The following PCDHGB5 variants were observed in gnomAD, a reference collection of about 807,000 sequenced individuals.
PCDHGB5 encodes the protein protocadherin gamma subfamily B, 5.
Under a neutral mutation model 62.9 loss-of-function variants are expected in PCDHGB5, and 48 were observed. The ratio of observed to expected loss-of-function variants is 0.76; its 90% CI spans 0.61 to 0.97. PCDHGB5 has a LOEUF of 0.97. Among genes scored for constraint, PCDHGB5 ranks in the 50% least tolerant of loss-of-function variants. The pLI, the probability that PCDHGB5 is intolerant of heterozygous loss-of-function variation, is 0.00. For missense variants in PCDHGB5, 1,118 were observed against 1,198.6 expected, an observed-to-expected ratio of 0.93 and a Z score of 0.99; for synonymous variants, 474 against 511.2, an observed-to-expected ratio of 0.93 and a Z score of 0.98.
intron 1 of PCDHGB5, among the ~76,000 whole-genome samples, chr5:141,402,117 A>G (rs1344939045): frequency 6.6e-6 from 1 of 152,172 alleles, no homozygotes; most frequent in Non-Finnish European, 1.5e-5. Context: ...AAATGTGAAA[A>G]TTTCCAACTT....
chr5:141,471,042 C>G (rs2099247416), intron 1 of PCDHGB5, among the ~76,000 whole-genome samples: 1 of 139,088 alleles, frequency 7.2e-6, no homozygotes, highest in South Asian at 2.3e-4. Flanking sequence ...CAAGCCCAAG[C>G]CCTCTTTTTT....
chr5:141,481,877 G>A (rs535267598), intron 1 of PCDHGB5, among the ~76,000 whole-genome samples: 4 of 144,402 alleles, frequency 2.8e-5, no homozygotes, highest in African/African-American at 7.8e-5. Context: ...TCGCGCCACT[G>A]CACTCCAGCC....
rs143779180 is a variant in PCDHGB5, at chr5:141,485,438, C to T, written c.2398-9369C>T. Reference sequence around the variant, plus strand: ...CAGCGGAGCCCTGCTCATCAAGAACCCAATCGACCGAGAGGCACTGTGTGG... The same window carrying T: ...CAGCGGAGCCCTGCTCATCAAGAACTCAATCGACCGAGAGGCACTGTGTGG... On this transcript the variant is annotated intron_variant, in intron 1 of 3. Transcript: ENST00000617380. This position sits in a 1 kb window ranked among gnomAD's most constrained non-coding sequence, Gnocchi z 5.7. 2.9e-5 allele frequency: 47 copies of T among 1,614,052 alleles called. No individual in the cohort carries two copies. The highest frequency in any genetic ancestry group is 4.0e-5 in the African/African-American group (3 of 74,924).
intron 1 of PCDHGB5, among the ~76,000 whole-genome samples, chr5:141,453,623 T>C (rs1264665094): frequency 1.3e-5 from 2 of 152,238 alleles, no homozygotes; most frequent in Admixed American, 1.3e-4. Flanking sequence ...AAACAAAACC[T>C]ATACATATTT....
At chr5:141,459,829 G>A in intron 1 of PCDHGB5, among the ~76,000 whole-genome samples, 1 of 152,178 alleles carries the variant, frequency 6.6e-6, no homozygotes, top group East Asian at 1.9e-4. Flanking sequence ...AACTTTTCAT[G>A]TGTTGTCTAT....
intron 1 of PCDHGB5, among the ~76,000 whole-genome samples, chr5:141,442,717 C>T (rs918238654): frequency 1.3e-5 from 2 of 152,166 alleles, no homozygotes; most frequent in African/African-American, 2.4e-5. Flanking sequence ...CATGCCAGAG[C>T]ATTTGGGGCC....
At position 141,477,868 on chromosome 5, in the gene PCDHGB5, C is replaced by G; in HGVS notation, c.2398-16939C>G. Reference sequence around the variant, plus strand: ...CGGTGGAGATGCTGCCTCGAGGTACCTCAGCTGGCCACCTAGTGTCACGGG... The same window carrying G: ...CGGTGGAGATGCTGCCTCGAGGTACGTCAGCTGGCCACCTAGTGTCACGGG... On this transcript the variant is annotated intron_variant, in intron 1 of 3. Coordinates refer to ENST00000617380, the MANE Select transcript of PCDHGB5 (RefSeq NM_018925.3). The surrounding 1 kb of genome is among the most constrained non-coding windows in gnomAD (Gnocchi z 4.9). 1 of 1,613,750 alleles carries G rather than the reference C, an allele frequency of 6.2e-7. No individual in the cohort carries two copies. Among genetic ancestry groups the G allele is most frequent in the Non-Finnish European group, 8.5e-7 (1 of 1,179,908 alleles).
At chr5:141,484,506 G>T (rs1442936814) in intron 1 of PCDHGB5, among the ~76,000 whole-genome samples, 1 of 152,186 alleles carries the variant, frequency 6.6e-6, no homozygotes, top group Non-Finnish European at 1.5e-5. Context: ...TGAATATTCT[G>T]CAGAAGGGCA....
chr5:141,409,948 A>G, intron 1 of PCDHGB5: 1 of 1,613,348 alleles, frequency 6.2e-7, no homozygotes, highest in South Asian at 1.1e-5. Context: ...CTCGCTCTGC[A>G]GAGCCCGGCT....
intron 1 of PCDHGB5, chr5:141,409,193 T>C (rs1268258873): frequency 2.5e-6 from 4 of 1,613,870 alleles, no homozygotes; most frequent in Admixed American, 1.7e-5. Flanking sequence ...CTCTACCCAG[T>C]GTAAAGTAAT....
At chr5:141,447,280 C>T (rs2098533193) in intron 1 of PCDHGB5, among the ~76,000 whole-genome samples, 1 of 152,172 alleles carries the variant, frequency 6.6e-6, no homozygotes, top group Non-Finnish European at 1.5e-5. Context: ...GCTGGGACTA[C>T]AGGCACATGC....
chr5:141,413,262 G>A (rs2095621152), intron 1 of PCDHGB5: 2 of 1,613,960 alleles, frequency 1.2e-6, no homozygotes, highest in South Asian at 1.1e-5. Context: ...TTCCATGGGA[G>A]GCTGGAGCCC....
At chr5:141,436,425 G>A (rs2097823674) in intron 1 of PCDHGB5, among the ~76,000 whole-genome samples, 2 of 152,268 alleles carry the variant, frequency 1.3e-5, no homozygotes, top group Non-Finnish European at 2.9e-5. Context: ...AACAAATAAT[G>A]TACTCTGGGG....
At chr5:141,421,508 A>C in intron 1 of PCDHGB5, 1 of 1,614,046 alleles carries the variant, frequency 6.2e-7, no homozygotes, top group Non-Finnish European at 8.5e-7. Context: ...ATAGACCGGG[A>C]GGAGCTCTGT....
chr5:141,438,065 C>T (rs1385128405), intron 1 of PCDHGB5, among the ~76,000 whole-genome samples: 1 of 151,996 alleles, frequency 6.6e-6, no homozygotes, highest in Non-Finnish European at 1.5e-5. Flanking sequence ...TTTAAGAAAC[C>T]ATACTTAATG....
At chr5:141,405,031 C>T (rs760020802) in intron 1 of PCDHGB5, 4 of 1,613,968 alleles carry the variant, frequency 2.5e-6, no homozygotes, top group South Asian at 2.2e-5. Context: ...CCCTCTACCT[C>T]GTTGTGGCTG....
intron 2 of PCDHGB5, among the ~76,000 whole-genome samples, chr5:141,498,956 AGAGG>A (rs1198207839): frequency 1.1e-4 from 14 of 124,162 alleles, no homozygotes; most frequent in East Asian, 2.7e-4. Context: ...AAAAAGAGAG[AGAGG>A]GAGGGAGGGA....
chr5:141,451,148 G>A (rs536843411), intron 1 of PCDHGB5, among the ~76,000 whole-genome samples: 2 of 152,154 alleles, frequency 1.3e-5, no homozygotes, highest in East Asian at 3.9e-4. Flanking sequence ...ATTTAGACTA[G>A]ACATTTTTTT....
chr5:141,468,419 G>A (rs1733006381), intron 1 of PCDHGB5: 1 of 151,826 alleles, frequency 6.6e-6, no homozygotes, highest in Admixed American at 6.6e-5. Flanking sequence ...AAGTTAGATA[G>A]CAAGGTAATA....
Sources: gnomAD v4.1 joint callset for allele counts (sites outside exome capture counted in the v4.1 genomes callset) on GRCh38, gnomAD v4.1.1 for gene constraint, Gnocchi (gnomAD v3.1) non-coding constraint, MANE v1.5 for transcripts, NCBI Gene and HGNC (gene_info 2026-07-23, HGNC 2026-07-21) for gene names.